The following LAMA3 variants were observed in gnomAD, a reference collection of about 807,000 sequenced individuals.
LAMA3 encodes laminin subunit alpha-3.
LAMA3 carries 281 observed loss-of-function variants against 402.0 expected under a neutral mutation model. The ratio of observed to expected loss-of-function variants is 0.70; its 90% CI spans 0.63 to 0.77. The LOEUF is 0.77. Among genes scored for constraint, LAMA3 ranks in the 30% least tolerant of loss-of-function variants. The pLI is 0.00. For missense variants in LAMA3, 3,840 were observed against 4,215.5 expected, an observed-to-expected ratio of 0.91 and a Z score of 2.47; for synonymous variants, 1,431 against 1,558.4, an observed-to-expected ratio of 0.92 and a Z score of 1.93.
At chr18:23,790,068 A>G (rs1291294502) in intron 12 of LAMA3, among the ~76,000 whole-genome samples, 6 of 152,244 alleles carry the variant, frequency 3.9e-5, no homozygotes, top group Admixed American at 3.9e-4. Context: ...CCAGGAGAAT[A>G]CGTAGGGAGT....
chr18:23,757,880 G>T (rs568108460), intron 6 of LAMA3, among the ~76,000 whole-genome samples: 2 of 152,230 alleles, frequency 1.3e-5, no homozygotes, highest in Non-Finnish European at 2.9e-5. Context: ...TGGAGCTGGC[G>T]CAGCCTCTGG....
At chr18:23,887,137 C>G (rs1287703427) in intron 41 of LAMA3, among the ~76,000 whole-genome samples, 1 of 152,224 alleles carries the variant, frequency 6.6e-6, no homozygotes, top group Non-Finnish European at 1.5e-5. Context: ...TGGCACAGTG[C>G]TAAGTACTGG....
intron 32 of LAMA3, among the ~76,000 whole-genome samples, 155 bp from the exon 33 acceptor site, chr18:23,857,689 T>C (rs1318539367): frequency 3.3e-5 from 5 of 152,258 alleles, no homozygotes; most frequent in African/African-American, 1.2e-4. Flanking sequence ...TAAGTGCCTT[T>C]TATCTGCCTC....
At position 23,839,696 on chromosome 18, in the gene LAMA3, T is replaced by G. The variant is rs748260393; in HGVS notation, c.3192-89T>G. On this transcript the variant is annotated intron_variant, in intron 26 of 74. Coordinates refer to ENST00000313654, the MANE Select transcript of LAMA3 (RefSeq NM_198129.4). This position sits in a 1 kb window ranked among gnomAD's most constrained non-coding sequence, Gnocchi z 4.5. ...GATCCTTTTGATGCCCATGCAGTCC[T>G]ATGCTCCAAGTCTGTCTCTTCACTG... is the stretch of plus-strand genomic sequence containing the variant. The G allele has an allele frequency of 1.4e-6, 2 of 1,412,518 alleles. No individual in the cohort carries two copies. The highest frequency in any genetic ancestry group is 2.0e-6 in the Non-Finnish European group (2 of 999,912). The allele number at this position is 1,412,518 out of a possible 1,614,324, so 87.5% of individuals were successfully genotyped here. A position where few individuals can be genotyped will look rare whatever the true frequency, so the allele number is the denominator to read the frequency against.
At chr18:23,883,929 G>A (rs2064984625) in intron 40 of LAMA3, among the ~76,000 whole-genome samples, 1 of 152,126 alleles carries the variant, frequency 6.6e-6, no homozygotes. Context: ...ATGTCTAACT[G>A]TCTTTTGAGA....
intron 12 of LAMA3, among the ~76,000 whole-genome samples, chr18:23,792,789 G>A (rs1028981330): frequency 6.6e-6 from 1 of 152,158 alleles, no homozygotes; most frequent in Non-Finnish European, 1.5e-5. Flanking sequence ...GTTTCCCACA[G>A]CCAAATATGG....
At chr18:23,716,750 G>C (rs762602612) in intron 2 of LAMA3, among the ~76,000 whole-genome samples, 5 of 152,200 alleles carry the variant, frequency 3.3e-5, no homozygotes, top group Non-Finnish European at 7.3e-5. Context: ...TGCTCTGCGA[G>C]GCTGCTGAGA....
At chr18:23,925,952 C>G (rs2081991070) in intron 62 of LAMA3, among the ~76,000 whole-genome samples, 1 of 152,204 alleles carries the variant, frequency 6.6e-6, no homozygotes, top group African/African-American at 2.4e-5. Context: ...GACCCCAGCT[C>G]TACCACTTAC....
chr18:23,765,868 G>A (rs2062065699), intron 8 of LAMA3, among the ~76,000 whole-genome samples: 1 of 152,106 alleles, frequency 6.6e-6, no homozygotes, highest in Non-Finnish European at 1.5e-5. Context: ...ATAGAAGAAA[G>A]AGTCAGTGAA....
At chr18:23,726,331 T>A (rs550892278) in intron 2 of LAMA3, among the ~76,000 whole-genome samples, 1 of 152,150 alleles carries the variant, frequency 6.6e-6, no homozygotes, top group South Asian at 2.1e-4. Context: ...CTGGCCCAGG[T>A]GAGATAAAGC....
chr18:23,914,947 A>G, intron 58 of LAMA3, 87 bp downstream of exon 58: 1 of 1,119,468 alleles, frequency 8.9e-7, no homozygotes, highest in Non-Finnish European at 1.3e-6. Context: ...TGTTAATTAC[A>G]TATAAAATGG....
chr18:23,837,273 A>T lies in LAMA3; in HGVS notation c.3093+184A>T, dbSNP rs547690858. ...TCTTCATTTGTTTGAGCATTTTTTGATATGGCCTAATAAAATTTAGTCATA... is the reference window on the plus strand; with the variant it reads ...TCTTCATTTGTTTGAGCATTTTTTGTTATGGCCTAATAAAATTTAGTCATA... On this transcript the variant is annotated intron_variant, in intron 25 of 74. Coordinates refer to ENST00000313654, the MANE Select transcript of LAMA3 (RefSeq NM_198129.4). The T allele has an allele frequency of 1.2e-5, 7 of 601,548 alleles. No individual in the cohort carries two copies. The East Asian group carries it at 2.0e-4, about 17-fold the overall frequency. The allele number at this position is 601,548 out of a possible 1,614,324, so 37.3% of individuals were successfully genotyped here.
chr18:23,793,077 A>G (rs996797803), intron 12 of LAMA3, among the ~76,000 whole-genome samples: 3 of 152,284 alleles, frequency 2.0e-5, no homozygotes, highest in African/African-American at 7.2e-5. Context: ...CTGTAGACAG[A>G]GCACTTCCAC....
intron 12 of LAMA3, among the ~76,000 whole-genome samples, chr18:23,788,734 A>G (rs1471506064): frequency 6.6e-6 from 1 of 151,970 alleles, no homozygotes; most frequent in East Asian, 1.9e-4. Flanking sequence ...TATGACAACA[A>G]AAGCACAAGT....
chr18:23,932,478 C>T (rs1273951729), intron 66 of LAMA3, 187 bp downstream of exon 66: 9 of 585,610 alleles, frequency 1.5e-5, no homozygotes, highest in Non-Finnish European at 1.8e-5. Context: ...AACTCCTGGG[C>T]CCGGCCTCCT....
intron 12 of LAMA3, among the ~76,000 whole-genome samples, chr18:23,807,739 A>T (rs1456939314): frequency 1.3e-5 from 2 of 152,182 alleles, no homozygotes; most frequent in Admixed American, 6.5e-5. Flanking sequence ...ATGATGGAAG[A>T]TAATCTGCTT....
At position 23,871,032 on chromosome 18, in the gene LAMA3, G is replaced by T. The variant is rs545361911; in HGVS notation, c.4768-399G>T. On this transcript the variant is annotated intron_variant, in intron 37 of 74. Coordinates refer to ENST00000313654, the MANE Select transcript of LAMA3 (RefSeq NM_198129.4). ...TAATATAAACGTTTGTGCAAGAAAAGATTGTATTTTCTGTCACCGATGTGT... is the reference window on the plus strand; with the variant it reads ...TAATATAAACGTTTGTGCAAGAAAATATTGTATTTTCTGTCACCGATGTGT... 1.4e-4 allele frequency among the ~76,000 whole-genome samples: 22 copies of T among 152,336 alleles called. 1 individual carries two copies. In the South Asian group the frequency reaches 4.4e-3, roughly 30 times the overall value.
chr18:23,921,457 G>A lies in LAMA3; in HGVS notation c.8049G>A (p.Gln2683=), dbSNP rs1002251751. The A allele has an allele frequency of 1.9e-6, 3 of 1,612,418 alleles. No individual in the cohort carries two copies. The highest frequency in any genetic ancestry group is 2.5e-6 in the Non-Finnish European group (3 of 1,179,654). Residue 2683 remains glutamine, a synonymous_variant, in exon 62 of 75, where the codon CAG becomes CAA. Coordinates refer to ENST00000313654, the MANE Select transcript of LAMA3 (RefSeq NM_198129.4). ...TCATCTCTCATTTATTTCAGATTCA[G>A]ATCAAAATTGGAAAACTCCAAAAGC... is the stretch of plus-strand genomic sequence containing the variant. ...AINNGRDHSI[Q]IKIGKLQKRM...
intron 69 of LAMA3, among the ~76,000 whole-genome samples, chr18:23,944,551 A>G: frequency 6.6e-6 from 1 of 152,220 alleles, no homozygotes; most frequent in Non-Finnish European, 1.5e-5. Context: ...TTGAGAAAAC[A>G]CTAGAGCAAG....
Sources: gnomAD v4.1 joint callset for allele counts (sites outside exome capture counted in the v4.1 genomes callset) on GRCh38, gnomAD v4.1.1 for gene constraint, Gnocchi (gnomAD v3.1) non-coding constraint, MANE v1.5 for transcripts, NCBI Gene and HGNC (gene_info 2026-07-23, HGNC 2026-07-21) for gene names.